The following ZFAND3 variants were observed in gnomAD, a reference collection of about 807,000 sequenced individuals.
ZFAND3 encodes the protein zinc finger AN1-type containing 3.
ZFAND3 carries 10 observed loss-of-function variants against 29.6 expected under a neutral mutation model. The observed-to-expected ratio is 0.34, with a 90% CI of 0.21 to 0.57. The LOEUF is 0.57. ZFAND3 is among the 20% of genes least tolerant of loss of function. ZFAND3 has a pLI of 0.86. For synonymous variants in ZFAND3, 128 were observed against 112.6 expected (o/e 1.14, Z -0.87); for missense variants, 230 against 304.5 (o/e 0.76, Z 1.82).
rs1391348161 is a variant in ZFAND3 at position 38,138,250 on chromosome 6, AGTG to A, written c.530-13976_530-13974del. Among the ~76,000 whole-genome samples the A allele has an allele frequency of 2.9e-4, 44 of 152,230 alleles. 1 individual carries two copies. The highest frequency in any genetic ancestry group is 2.8e-3 in the Admixed American group (43 of 15,298). On this transcript the variant is annotated intron_variant, in intron 5 of 5. Coordinates refer to ENST00000287218, the MANE Select transcript of ZFAND3 (RefSeq NM_021943.3). ...CTCTCAAGAATACATAAAAATAGAC[AGTG>A]GTGGTGGTTGCTGGGCTTCTGGAGA...
At chr6:37,831,465 C>A (rs781258598) in intron 1 of ZFAND3, among the ~76,000 whole-genome samples, 12 of 152,270 alleles carry the variant, frequency 7.9e-5, no homozygotes, top group Non-Finnish European at 1.5e-4. Flanking sequence ...GCAAGAGATA[C>A]CTTGGTCTGG....
chr6:37,851,087 A>G (rs1764271947), intron 1 of ZFAND3, among the ~76,000 whole-genome samples: 1 of 144,742 alleles, frequency 6.9e-6, no homozygotes, highest in Non-Finnish European at 1.5e-5. Flanking sequence ...TCGCACTGTC[A>G]CCCAGGCTGG....
intron 1 of ZFAND3, among the ~76,000 whole-genome samples, chr6:37,834,333 T>C (rs1402351079): frequency 6.6e-6 from 1 of 152,238 alleles, no homozygotes; most frequent in Non-Finnish European, 1.5e-5. Context: ...CATGGCTTGC[T>C]AGCTCATTTT....
chr6:37,976,194 T>G (rs1320260673), intron 2 of ZFAND3, among the ~76,000 whole-genome samples: 4 of 152,224 alleles, frequency 2.6e-5, no homozygotes, highest in Admixed American at 2.6e-4. Flanking sequence ...TTTGTATCTG[T>G]AAACTTGGTA....
At position 37,917,952 on chromosome 6, in the gene ZFAND3, T is replaced by A. The variant is rs182411217; in HGVS notation, c.72-12007T>A. Among the ~76,000 whole-genome samples, 520 of 152,352 alleles carry A rather than the reference T, an allele frequency of 3.4e-3. 1 individual carries two copies. The highest frequency in any genetic ancestry group is 6.4e-3 in the Non-Finnish European group (434 of 68,040). The stretch of plus-strand genomic sequence containing the variant: ...TGTATACATTAAAATTTTTCTTATA[T>A]GTGCATATTGCTAGATATTGCTTTC... On this transcript the variant is annotated intron_variant, in intron 1 of 5. Transcript: ENST00000287218.
At chr6:38,138,678 C>G (rs1335744161) in intron 5 of ZFAND3, among the ~76,000 whole-genome samples, 1 of 152,298 alleles carries the variant, frequency 6.6e-6, no homozygotes. Flanking sequence ...CTAATAAAGT[C>G]AGTGTGAGGA....
At chr6:37,998,739 G>A (rs1015087477) in intron 2 of ZFAND3, among the ~76,000 whole-genome samples, 6 of 152,182 alleles carry the variant, frequency 3.9e-5, no homozygotes, top group African/African-American at 1.4e-4. Flanking sequence ...GATGGTGGAA[G>A]CCAGATTTCT....
chr6:37,982,336 C>T (rs1201453014), intron 2 of ZFAND3, among the ~76,000 whole-genome samples: 2 of 151,544 alleles, frequency 1.3e-5, no homozygotes, highest in Admixed American at 1.3e-4. Flanking sequence ...ATATATTTTC[C>T]TTTCACAGTT....
chr6:38,109,245 C>T (rs1457372386), intron 4 of ZFAND3, among the ~76,000 whole-genome samples: 3 of 148,646 alleles, frequency 2.0e-5, no homozygotes, highest in African/African-American at 5.0e-5. Context: ...TGCAATGGCG[C>T]GATCTTGGCT....
rs11423651 is a variant in ZFAND3, at chr6:38,107,929, TA to T, written c.362-8630del. On this transcript the variant is annotated intron_variant, in intron 4 of 5. Transcript: ENST00000287218. ...CCACAGGAAAATTAAGAAGGACTGTTAAAAAAAAAAAAAGCTCACGTTATTT... is the reference window on the plus strand; with the variant it reads ...CCACAGGAAAATTAAGAAGGACTGTTAAAAAAAAAAAAGCTCACGTTATTT... Among the ~76,000 whole-genome samples, 2,886 of 141,964 alleles carry T rather than the reference TA, an allele frequency of 0.02. 244 individuals carry two copies. In the East Asian group the frequency reaches 0.28, roughly 14 times the overall value. The allele number at this position is 141,964 out of a possible 152,430, so 93.1% of individuals were successfully genotyped here.
rs1197859982 is a variant in ZFAND3, at chr6:37,977,797, G to C, written c.112+47798G>C. On this transcript the variant is annotated intron_variant, in intron 2 of 5. Transcript: ENST00000287218. ...TTTTTGTTTTTTTTTTTTTTCAAAT[G>C]AAGAATGAATGTTGAATTTTGTAAA... Among the ~76,000 whole-genome samples the C allele has an allele frequency of 1.3e-4, 8 of 60,324 alleles. 1 individual carries two copies. The highest frequency in any genetic ancestry group is 8.7e-4 in the Admixed American group (5 of 5,736). 39.6% of individuals were successfully genotyped at this position (60,324 alleles called of 152,430 possible).
intron 2 of ZFAND3, among the ~76,000 whole-genome samples, chr6:38,037,941 T>C (rs1302572053): frequency 1.3e-5 from 2 of 152,182 alleles, no homozygotes; most frequent in Admixed American, 1.3e-4. Flanking sequence ...TGAGTGACTT[T>C]TCCTTCACAT....
intron 5 of ZFAND3, among the ~76,000 whole-genome samples, chr6:38,133,933 A>T (rs960880164): frequency 2.6e-5 from 4 of 152,174 alleles, no homozygotes; most frequent in Admixed American, 2.0e-4. Context: ...CAAAACAGTG[A>T]GGAGAGGACT....
chr6:37,883,046 C>T (rs1015646016), intron 1 of ZFAND3, among the ~76,000 whole-genome samples: 3 of 151,986 alleles, frequency 2.0e-5, no homozygotes, highest in African/African-American at 7.3e-5. Flanking sequence ...TAGTGAGACC[C>T]CTTCTCTACA....
At chr6:37,919,374 T>C (rs1048163230) in intron 1 of ZFAND3, among the ~76,000 whole-genome samples, 3 of 152,372 alleles carry the variant, frequency 2.0e-5, no homozygotes, top group South Asian at 2.1e-4. Context: ...TTTAAAATGT[T>C]ACTTTTCCTA....
chr6:37,975,450 G>T (rs1014836849), intron 2 of ZFAND3, among the ~76,000 whole-genome samples: 1 of 152,054 alleles, frequency 6.6e-6, no homozygotes, highest in Non-Finnish European at 1.5e-5. Context: ...GTTTTGAAGA[G>T]AAGTTTTTCA....
chr6:38,050,927 G>A (rs1029317703), intron 2 of ZFAND3, among the ~76,000 whole-genome samples: 21 of 152,188 alleles, frequency 1.4e-4, no homozygotes, highest in African/African-American at 4.8e-4. Flanking sequence ...TAGTAGCAGA[G>A]CTTAAATGAA....
intron 1 of ZFAND3, among the ~76,000 whole-genome samples, chr6:37,853,606 C>G (rs116709654): frequency 0.013 from 1,986 of 152,052 alleles, 33 homozygotes; most frequent in African/African-American, 0.044. Flanking sequence ...TTCTGAGTTC[C>G]AAACAGTTGA....
At chr6:37,942,561 G>A (rs1319258335) in intron 2 of ZFAND3, among the ~76,000 whole-genome samples, 1 of 152,068 alleles carries the variant, frequency 6.6e-6, no homozygotes, top group Non-Finnish European at 1.5e-5. Context: ...TTTCAATTTA[G>A]TGGTGACACT....
Sources: allele counts gnomAD v4.1 joint callset (sites outside exome capture counted in the v4.1 genomes callset), GRCh38; gene constraint gnomAD v4.1.1; transcripts MANE v1.5; gene names NCBI Gene and HGNC (gene_info 2026-07-23, HGNC 2026-07-21).